WASF1: variants seen among roughly 807,000 people sequenced by gnomAD.
WASF1 encodes WASP family member 1.
In WASF1, 7 loss-of-function variants were observed where a neutral mutation model predicts 50.5. The observed-to-expected ratio is 0.14, with a 90% CI of 0.08 to 0.26. The LOEUF (loss-of-function observed/expected upper bound fraction) is 0.26. WASF1 is among the 10% of genes least tolerant of loss of function. WASF1 has a pLI of 1.00. For missense variants in WASF1, 470 were observed against 694.7 expected, an observed-to-expected ratio of 0.68 and a Z score of 3.64; for synonymous variants, 205 against 244.0, an observed-to-expected ratio of 0.84 and a Z score of 1.49.
chr6:110,177,524 T>C (rs775392109), intron 2 of WASF1, among the ~76,000 whole-genome samples: 18 of 152,114 alleles, frequency 1.2e-4, no homozygotes, highest in South Asian at 2.1e-4. Flanking sequence ...AGCTAAAAGA[T>C]TTAAATTTTC....
At chr6:110,154,824 C>T (rs1373349136) in intron 3 of WASF1, among the ~76,000 whole-genome samples, 3 of 151,890 alleles carry the variant, frequency 2.0e-5, no homozygotes, top group African/African-American at 4.8e-5. Context: ...TAAAAAAAAT[C>T]AGGGAATTTG....
intron 9 of WASF1, 98 bp downstream of exon 9, chr6:110,103,280 T>C: frequency 7.4e-7 from 1 of 1,355,198 alleles, no homozygotes; most frequent in Non-Finnish European, 1.0e-6. Context: ...TGACAAAAAC[T>C]GTAAGGCCCG....
chr6:110,112,668 G>A (rs1329850878), intron 5 of WASF1, among the ~76,000 whole-genome samples: 16 of 152,006 alleles, frequency 1.1e-4, no homozygotes, highest in African/African-American at 3.9e-4. Flanking sequence ...TTGGGAGGCC[G>A]AGGTGGGCAG....
Position 110,101,729 on chromosome 6 carries a change from T to A in WASF1, c.1381A>T (p.Thr461Ser). The A allele has an allele frequency of 6.2e-7, 1 of 1,613,946 alleles. No homozygotes were observed. The highest frequency in any genetic ancestry group is 8.5e-7 in the Non-Finnish European group (1 of 1,179,958). The change falls in exon 10 of 11, where the codon ACT (threonine) becomes TCT (serine). Residue 461 changes from threonine (T) to serine (S), a missense_variant. By Grantham distance (58) the Thr-to-Ser change is moderately conservative (BLOSUM62 1). Transcript: ENST00000392589. Reference protein sequence around the residue: ...PPSGLHPTPSTAPGPHVPLMP... With the variant: ...PPSGLHPTPSSAPGPHVPLMP... ...AATGGAACATGGGGACCTGGGGCAG[T>A]AGATGGAGTTGGATGTAGCCCAGAG...
chr6:110,102,214 G>A lies in WASF1; in HGVS notation c.896C>T (p.Ser299Phe). 1 of 1,394,088 alleles carries A rather than the reference G, an allele frequency of 7.2e-7. No homozygotes were observed. 86.4% of individuals were successfully genotyped at this position (1,394,088 alleles called of 1,614,324 possible). A position where few individuals can be genotyped will look rare whatever the true frequency, so the allele number is the denominator to read the frequency against. ...GCGATTTTCTATCAAACCTGTAGCA[G>A]AACTGAAATGACAAAGAGATTCTAG... is the stretch of plus-strand genomic sequence containing the variant. ...DAKPIPTCISSATGLIENRPQ... is the reference protein window; with the variant it reads ...DAKPIPTCISFATGLIENRPQ... The change falls in exon 10 of 11, where the codon TCT becomes TTT. Residue 299 changes from serine (S) to phenylalanine (F), a missense_variant and splice_region_variant. Physicochemically the swap from Ser to Phe is radical, Grantham distance 155. Coordinates refer to ENST00000392589, the MANE Select transcript of WASF1 (RefSeq NM_003931.3).
chr6:110,148,549 G>C (rs1775682604), intron 3 of WASF1, among the ~76,000 whole-genome samples: 1 of 152,136 alleles, frequency 6.6e-6, no homozygotes, highest in South Asian at 2.1e-4. Flanking sequence ...GAATAATAAT[G>C]AGAGCAAGCC....
intron 10 of WASF1, 35 bp downstream of exon 10, chr6:110,101,553 T>C: frequency 6.4e-7 from 1 of 1,569,422 alleles, no homozygotes; most frequent in Non-Finnish European, 8.6e-7. Flanking sequence ...CCAATGCTAC[T>C]ATAGCAATGC....
intron 2 of WASF1, among the ~76,000 whole-genome samples, chr6:110,170,772 C>T (rs569859620): frequency 4.6e-5 from 7 of 152,008 alleles, no homozygotes; most frequent in African/African-American, 7.2e-5. Flanking sequence ...CATGCTAACA[C>T]GAGTCAAAAC....
At chr6:110,136,265 C>G (rs771769459) in intron 3 of WASF1, among the ~76,000 whole-genome samples, 7 of 152,122 alleles carry the variant, frequency 4.6e-5, no homozygotes, top group Admixed American at 2.0e-4. Flanking sequence ...ACATTGTGGT[C>G]AGAAAATACA....
At chr6:110,118,748 T>C (rs1773936204) in intron 4 of WASF1, among the ~76,000 whole-genome samples, 1 of 152,170 alleles carries the variant, frequency 6.6e-6, no homozygotes, top group South Asian at 2.1e-4. Flanking sequence ...TACATTCTTC[T>C]CAGCATCACA....
chr6:110,104,295 C>T (rs117609174), intron 8 of WASF1, among the ~76,000 whole-genome samples: 88 of 152,074 alleles, frequency 5.8e-4, no homozygotes, highest in African/African-American at 1.9e-3. Flanking sequence ...CAGATAAGTA[C>T]CTTAATTACT....
At chr6:110,109,980 G>C (rs540254716) in intron 5 of WASF1, among the ~76,000 whole-genome samples, 2 of 152,106 alleles carry the variant, frequency 1.3e-5, no homozygotes, top group East Asian at 3.9e-4. Flanking sequence ...CTCTGCAATG[G>C]TGGCACCATA....
rs1476989412 is a variant in WASF1, at chr6:110,113,314, T to C, written c.268+12A>G. ...ATATACGTAGAAGAAAATACAATAT[T>C]AATAAGCTTACATTCTTCTTCCTTT... is the stretch of plus-strand genomic sequence containing the variant. On this transcript the variant is annotated intron_variant, in intron 5 of 10. Transcript: ENST00000392589. 1.3e-6 allele frequency: 2 copies of C among 1,534,704 alleles called. No individual in the cohort carries two copies. The highest frequency in any genetic ancestry group is 2.2e-5 in the Admixed American group (1 of 45,432).
intron 3 of WASF1, among the ~76,000 whole-genome samples, chr6:110,130,383 A>T (rs1774609526): frequency 6.6e-6 from 1 of 152,182 alleles, no homozygotes; most frequent in African/African-American, 2.4e-5. Context: ...TTTTTATAAT[A>T]AGCATTTCCT....
chr6:110,142,975 T>TAAAAAAAAAAAAA (rs1396721363), intron 3 of WASF1, among the ~76,000 whole-genome samples: 103 of 97,770 alleles, frequency 1.1e-3, no homozygotes, highest in Middle Eastern at 6.3e-3. Context: ...AAAAAAAAAC[T>TAAAAAAAAAAAAA]AAAGCAATTC....
intron 3 of WASF1, among the ~76,000 whole-genome samples, chr6:110,133,480 GT>G (rs1435288887): frequency 6.6e-6 from 1 of 152,154 alleles, no homozygotes; most frequent in Non-Finnish European, 1.5e-5. Flanking sequence ...TCTCCATAGT[GT>G]TTGTACTAGT....
chr6:110,117,340 A>G (rs1236437400), intron 4 of WASF1, among the ~76,000 whole-genome samples: 1 of 152,240 alleles, frequency 6.6e-6, no homozygotes, highest in Non-Finnish European at 1.5e-5. Context: ...GCTGAAAACC[A>G]TGGCACAAAA....
chr6:110,178,061 T>C (rs1777010452), intron 2 of WASF1, among the ~76,000 whole-genome samples: 1 of 150,764 alleles, frequency 6.6e-6, no homozygotes, highest in African/African-American at 2.4e-5. Flanking sequence ...ATTAAATACA[T>C]GATATTGCAA....
rs972286884 is a variant in WASF1, at chr6:110,177,104, G to A, written c.-127+1494C>T. The A allele has an allele frequency of 3.9e-5, 6 of 152,014 alleles. No individual in the cohort carries two copies. In the South Asian group the frequency reaches 1.2e-3, roughly 32 times the overall value. 9.4% of individuals were successfully genotyped at this position (152,014 alleles called of 1,614,324 possible). On this transcript the variant is annotated intron_variant, in intron 2 of 10. Transcript: ENST00000392589. ...ATATTAAAACTGTCTCTGAATATAT[G>A]AATATTTACAAACATGAGTAATAAA...
Sources: gnomAD v4.1 joint callset for allele counts (sites outside exome capture counted in the v4.1 genomes callset) on GRCh38, gnomAD v4.1.1 for gene constraint, MANE v1.5 for transcripts, NCBI Gene and HGNC (gene_info 2026-07-23, HGNC 2026-07-21) for gene names.